The following LRP1B variants were observed in gnomAD, a reference collection of about 807,000 sequenced individuals.
LRP1B encodes the protein LDL receptor related protein 1B, also known as low-density lipoprotein receptor-related protein 1B.
LRP1B carries 217 observed loss-of-function variants against 556.6 expected under a neutral mutation model. The ratio of observed to expected loss-of-function variants is 0.39; its 90% CI spans 0.35 to 0.44. LRP1B has a LOEUF of 0.44. Ranked by LOEUF, LRP1B falls within the 20% of genes least tolerant of loss-of-function variation. The probability of loss-of-function intolerance (pLI) is 1.00; values close to 1 mark genes in which losing one functional copy is unlikely to be tolerated. For missense variants in LRP1B, 5,053 were observed against 5,620.8 expected, an observed-to-expected ratio of 0.90 and a Z score of 3.23; for synonymous variants, 2,047 against 1,865.8, an observed-to-expected ratio of 1.10 and a Z score of -2.50.
chr2:141,433,702 T>A (rs1481064922), intron 3 of LRP1B, among the ~76,000 whole-genome samples: 1 of 151,824 alleles, frequency 6.6e-6, no homozygotes, highest in Non-Finnish European at 1.5e-5. Context: ...AGATTTTCTA[T>A]CTTTGGCTTT....
At chr2:140,803,338 G>A (rs570793886) in intron 32 of LRP1B, among the ~76,000 whole-genome samples, 36 of 144,540 alleles carry the variant, frequency 2.5e-4, no homozygotes, top group Admixed American at 5.0e-4. Context: ...GCAGTGGCGC[G>A]CGATCTTGGC....
intron 1 of LRP1B, among the ~76,000 whole-genome samples, chr2:142,022,806 G>A (rs1448797047): frequency 1.3e-5 from 2 of 152,256 alleles, no homozygotes; most frequent in South Asian, 2.1e-4. Flanking sequence ...GAGTAGCTGA[G>A]GTTACAGGTG....
chr2:141,568,777 G>A (rs911643133), intron 2 of LRP1B, among the ~76,000 whole-genome samples: 3 of 151,142 alleles, frequency 2.0e-5, no homozygotes, highest in Non-Finnish European at 4.4e-5. Flanking sequence ...TTTTTGAGAT[G>A]GAGTCTTGCC....
At chr2:140,485,604 A>T in intron 58 of LRP1B, 80 bp from the exon 59 acceptor site, 1 of 985,008 alleles carries the variant, frequency 1.0e-6, no homozygotes, top group South Asian at 1.8e-5. Context: ...ATTTTTACAG[A>T]GATATAGAAT....
intron 7 of LRP1B, among the ~76,000 whole-genome samples, chr2:141,104,102 TG>T (rs1190335182): frequency 6.6e-6 from 1 of 152,042 alleles, no homozygotes; most frequent in African/African-American, 2.4e-5. Flanking sequence ...GCTTTTTAAC[TG>T]GGTCAAACTT....
chr2:140,676,457 C>T lies in LRP1B; in HGVS notation c.6799+23793G>A, dbSNP rs1034027199. On this transcript the variant is annotated intron_variant, in intron 41 of 90. Transcript: ENST00000389484. The stretch of plus-strand genomic sequence containing the variant: ...TAGAATACTTTTTTTTAAAATCACC[C>T]CATTAATTATTGTTTATTTCCTTCC... 3.3e-5 allele frequency among the ~76,000 whole-genome samples: 5 copies of T among 152,120 alleles called. No individual in the cohort carries two copies. In the East Asian group the frequency reaches 5.8e-4, roughly 18 times the overall value.
rs186599152 is a variant in LRP1B, at chr2:141,374,156, T to C, written c.343+106240A>G. On this transcript the variant is annotated intron_variant, in intron 3 of 90. Coordinates refer to ENST00000389484, the MANE Select transcript of LRP1B (RefSeq NM_018557.3). ...TATAGAGAAATATACAGAAAAACAC[T>C]GTATTTCCTTTAGTGTTTTTCTTTC... Among the ~76,000 whole-genome samples, 615 of 152,226 alleles carry C rather than the reference T, an allele frequency of 4.0e-3. 5 individuals are homozygous for C. Among genetic ancestry groups the C allele is most frequent in the African/African-American group, 0.013 (551 of 41,538 alleles).
chr2:140,571,138 A>G (rs1190012950), intron 43 of LRP1B, among the ~76,000 whole-genome samples: 3 of 151,806 alleles, frequency 2.0e-5, no homozygotes, highest in Non-Finnish European at 3.0e-5. Flanking sequence ...ATCACTCAAC[A>G]TAATACTGGA....
chr2:141,117,134 T>C (rs1390752879), intron 7 of LRP1B, among the ~76,000 whole-genome samples: 1 of 152,078 alleles, frequency 6.6e-6, no homozygotes, highest in Non-Finnish European at 1.5e-5. Context: ...CACTAACACT[T>C]TTCTATCTCC....
At chr2:140,426,273 T>C (rs948813044) in intron 66 of LRP1B, among the ~76,000 whole-genome samples, 1 of 152,226 alleles carries the variant, frequency 6.6e-6, no homozygotes, top group African/African-American at 2.4e-5. Flanking sequence ...CTGTAATTAT[T>C]TGTACTTGGA....
At chr2:140,892,798 T>A (rs1693836903) in intron 23 of LRP1B, among the ~76,000 whole-genome samples, 1 of 152,168 alleles carries the variant, frequency 6.6e-6, no homozygotes, top group Admixed American at 6.6e-5. Context: ...ATAAAAGATG[T>A]GTGCATGCTC....
chr2:140,419,971 G>A (rs1685363450), intron 66 of LRP1B, among the ~76,000 whole-genome samples: 1 of 147,666 alleles, frequency 6.8e-6, no homozygotes, highest in Non-Finnish European at 1.5e-5. Context: ...TCATGCCACT[G>A]CACTCCAGCC....
intron 3 of LRP1B, among the ~76,000 whole-genome samples, chr2:141,364,723 T>C (rs922205305): frequency 3.9e-5 from 6 of 152,356 alleles, no homozygotes; most frequent in South Asian, 4.1e-4. Context: ...CCTTTTATCA[T>C]AGCATTTTCG....
chr2:140,670,582 T>C (rs1685443382), intron 41 of LRP1B, among the ~76,000 whole-genome samples: 1 of 152,204 alleles, frequency 6.6e-6, no homozygotes, highest in Non-Finnish European at 1.5e-5. Context: ...GAGGATCCTG[T>C]ATATAGAAGA....
At chr2:140,531,210 G>A (rs1574047227) in intron 47 of LRP1B, among the ~76,000 whole-genome samples, 2 of 152,102 alleles carry the variant, frequency 1.3e-5, no homozygotes, top group East Asian at 3.9e-4. Context: ...TTATTGCTCA[G>A]TTCCTGCACA....
chr2:140,481,153 A>G (rs1335712184), intron 59 of LRP1B, among the ~76,000 whole-genome samples: 3 of 152,244 alleles, frequency 2.0e-5, no homozygotes, highest in Non-Finnish European at 4.4e-5. Flanking sequence ...GGCGTGAGCC[A>G]CTGTGCCCAG....
chr2:141,878,954 C>A (rs12466165), intron 1 of LRP1B, among the ~76,000 whole-genome samples: 19,756 of 151,796 alleles, frequency 0.13, 1,565 homozygotes, highest in African/African-American at 0.22. Context: ...CCACCATCAC[C>A]ATTTATAAAC....
At chr2:140,983,031 A>T (rs1696817697) in intron 17 of LRP1B, among the ~76,000 whole-genome samples, 1 of 152,108 alleles carries the variant, frequency 6.6e-6, no homozygotes, top group Non-Finnish European at 1.5e-5. Flanking sequence ...AAAAGGGGTT[A>T]TGTTCAAGAG....
At chr2:140,617,527 T>G (rs1045781300) in intron 41 of LRP1B, among the ~76,000 whole-genome samples, 1 of 151,998 alleles carries the variant, frequency 6.6e-6, no homozygotes, top group Non-Finnish European at 1.5e-5. Flanking sequence ...TAGGGATATT[T>G]CTTTCTGATC....
Sources: allele counts gnomAD v4.1 joint callset (sites outside exome capture counted in the v4.1 genomes callset), GRCh38; gene constraint gnomAD v4.1.1; transcripts MANE v1.5; gene names NCBI Gene and HGNC (gene_info 2026-07-23, HGNC 2026-07-21).